Variants in PLCG2 observed in about 807,000 individuals in gnomAD.
The protein encoded by PLCG2 is phospholipase C gamma 2, also known as 1-phosphatidylinositol 4,5-bisphosphate phosphodiesterase gamma-2.
Under a neutral mutation model 175.6 loss-of-function variants are expected in PLCG2, and 69 were observed. The ratio of observed to expected loss-of-function variants is 0.39; its 90% confidence interval spans 0.32 to 0.48. The LOEUF (loss-of-function observed/expected upper bound fraction) is 0.48. Among genes scored for constraint, PLCG2 ranks in the 20% least tolerant of loss-of-function variants. PLCG2 has a pLI of 0.91. For missense variants in PLCG2, 1,798 were observed against 1,650.9 expected (o/e 1.09, Z -1.54); for synonymous variants, 827 against 624.0 (o/e 1.33, Z -4.85).
chr16:81,913,238 T>C (rs1322525507), intron 19 of PLCG2, among the ~76,000 whole-genome samples: 3 of 152,178 alleles, frequency 2.0e-5, no homozygotes, highest in African/African-American at 7.2e-5. Context: ...TGACTCAGAC[T>C]CCGTGTAGCC....
intron 23 of PLCG2, 97 bp from the exon 24 acceptor site, chr16:81,928,461 C>T (rs751713285): frequency 5.1e-6 from 4 of 781,644 alleles, no homozygotes; most frequent in Non-Finnish European, 9.3e-6. Flanking sequence ...AACAGTTCCA[C>T]AGGCAGTATC....
chr16:81,926,215 A>C (rs965035492), intron 22 of PLCG2, among the ~76,000 whole-genome samples: 1 of 152,216 alleles, frequency 6.6e-6, no homozygotes, highest in African/African-American at 2.4e-5. Flanking sequence ...GATGTCTGGG[A>C]GTCCTGGGGT....
At chr16:81,849,048 G>T (rs966714650) in intron 2 of PLCG2, among the ~76,000 whole-genome samples, 1 of 152,132 alleles carries the variant, frequency 6.6e-6, no homozygotes, top group Non-Finnish European at 1.5e-5. Context: ...ATGCTTGGAG[G>T]GGCCTGTGTG....
rs781722217 is a variant in PLCG2, at chr16:81,936,233, G to A, written c.2907G>A (p.Gln969=). 13 of 1,614,046 alleles carry A rather than the reference G, an allele frequency of 8.1e-6. No individual in the cohort carries two copies. The East Asian group carries it at 2.9e-4, about 36-fold the overall frequency. Residue 969 remains glutamine, a synonymous_variant, in exon 27 of 33, where the codon CAG becomes CAA. Coordinates refer to ENST00000564138, the MANE Select transcript of PLCG2 (RefSeq NM_002661.5). ...VETKADSIIR[Q]KPVDLLKYNQ... is the part of the protein sequence containing the mutation. ...CGAAGGCTGACAGCATCATCAGACAGAAGCCCGTCGACCTCCTGAAGTACA... is the reference window on the plus strand; with the variant it reads ...CGAAGGCTGACAGCATCATCAGACAAAAGCCCGTCGACCTCCTGAAGTACA...
chr16:81,910,476 C>T, intron 17 of PLCG2, 44 bp from the exon 18 acceptor site: 2 of 1,582,334 alleles, frequency 1.3e-6, no homozygotes, highest in African/African-American at 1.3e-5. Flanking sequence ...CCGCAATGGC[C>T]TGGCCTGCGT....
chr16:81,923,415 C>T, intron 21 of PLCG2, 70 bp from the exon 22 acceptor site: 1 of 899,070 alleles, frequency 1.1e-6, no homozygotes, highest in Non-Finnish European at 1.8e-6. Flanking sequence ...CAAATGGTAC[C>T]TGGGAACGCA....
intron 2 of PLCG2, among the ~76,000 whole-genome samples, chr16:81,811,582 A>T (rs1271027823): frequency 6.6e-6 from 1 of 151,716 alleles, no homozygotes; most frequent in Admixed American, 6.6e-5. Context: ...ATGGGTTCTC[A>T]TTGTTCAACT....
At position 81,912,687 on chromosome 16, in the gene PLCG2, G is replaced by T; in HGVS notation, c.2025G>T (p.Glu675Asp). The change falls in exon 19 of 33, where the codon GAG (glutamate) becomes GAT (aspartate). Residue 675 changes from glutamate (E) to aspartate (D), a missense_variant. Transcript: ENST00000564138. Reference protein sequence around the residue: ...RDGAFLIRKREGSDSYAITFR... With the variant: ...RDGAFLIRKRDGSDSYAITFR... Reference sequence around the variant, plus strand: ...GGGCCTTCCTGATCCGGAAGCGAGAGGGGAGCGACTCCTATGCCATCACCT... The same window carrying T: ...GGGCCTTCCTGATCCGGAAGCGAGATGGGAGCGACTCCTATGCCATCACCT... The T allele has an allele frequency of 1.2e-6, 2 of 1,611,664 alleles. No homozygotes were observed. Among genetic ancestry groups the T allele is most frequent in the South Asian group, 2.2e-5 (2 of 90,560 alleles).
chr16:81,938,789 T>C lies in PLCG2; in HGVS notation c.3199-12T>C, dbSNP rs751427608. 6.4e-7 allele frequency: 1 copy of C among 1,568,088 alleles called. No homozygotes were observed. Among genetic ancestry groups the C allele is most frequent in the Non-Finnish European group, 8.8e-7 (1 of 1,141,502 alleles). On this transcript the variant is annotated splice_polypyrimidine_tract_variant and intron_variant, in intron 28 of 32. Coordinates refer to ENST00000564138, the MANE Select transcript of PLCG2 (RefSeq NM_002661.5). The stretch of plus-strand genomic sequence containing the variant: ...CCCAGGGGGGTTCCAATGCTTCCCT[T>C]TGGTGTCCCAGGTTCTCGGTGCTCG...
At chr16:81,787,899 G>T (rs1446470489) in intron 2 of PLCG2, among the ~76,000 whole-genome samples, 2 of 152,186 alleles carry the variant, frequency 1.3e-5, no homozygotes, top group East Asian at 3.8e-4. Context: ...GCGTGGATCA[G>T]AAATTTTCCT....
intron 2 of PLCG2, among the ~76,000 whole-genome samples, chr16:81,760,980 G>A (rs1296038558): frequency 6.6e-6 from 1 of 151,972 alleles, no homozygotes; most frequent in African/African-American, 2.4e-5. Flanking sequence ...CTCAGCTCAC[G>A]GCAACAGCGA....
rs1473839726 is a variant in PLCG2 at position 81,959,616 on chromosome 16, C to G, written c.*1618C>G. 5.2e-6 allele frequency: 1 copy of G among 193,436 alleles called. No individual in the cohort carries two copies. Among genetic ancestry groups the G allele is most frequent in the Non-Finnish European group, 1.1e-5 (1 of 92,746 alleles). 12.0% of individuals were successfully genotyped at this position (193,436 alleles called of 1,614,324 possible). A position where few individuals can be genotyped will look rare whatever the true frequency, so the allele number is the denominator to read the frequency against. On this transcript the variant is annotated 3_prime_UTR_variant, in exon 33 of 33. Transcript: ENST00000564138. ...CTCCAGTTACTCCTCCAACTGGGAG[C>G]TGCTATTTTATTTGGCAGTCAGCAA...
intron 2 of PLCG2, among the ~76,000 whole-genome samples, chr16:81,801,655 A>G (rs1911725000): frequency 6.6e-6 from 1 of 151,704 alleles, no homozygotes; most frequent in Admixed American, 6.6e-5. Context: ...CATTTTTTCG[A>G]TATTAGATAG....
At chr16:81,842,385 T>C (rs1023077275) in intron 2 of PLCG2, among the ~76,000 whole-genome samples, 12 of 152,166 alleles carry the variant, frequency 7.9e-5, no homozygotes, top group African/African-American at 2.9e-4. Context: ...CTGTCCTCCC[T>C]CCCAGACTCG....
chr16:81,816,325 C>T lies in PLCG2; in HGVS notation c.193+30143C>T, dbSNP rs550586909. Among the ~76,000 whole-genome samples the T allele has an allele frequency of 9.2e-5, 14 of 152,146 alleles. No homozygotes were observed. In the South Asian group the frequency reaches 2.5e-3, roughly 27 times the overall value. On this transcript the variant is annotated intron_variant, in intron 2 of 32. Transcript: ENST00000564138. ...GATGGAAGTTACAGTGAGTCCAAAT[C>T]GTGCCACTACACTCCAGCCTGGGCA...
intron 30 of PLCG2, 39 bp downstream of exon 30, chr16:81,940,098 G>C (rs745702984): frequency 6.4e-7 from 1 of 1,551,402 alleles, no homozygotes; most frequent in Admixed American, 1.7e-5. Flanking sequence ...ATTTGGGCTG[G>C]CGTTGTACTT....
upstream of PLCG2, among the ~76,000 whole-genome samples, chr16:81,774,526 G>A (rs1054317830): frequency 6.6e-6 from 1 of 152,096 alleles, no homozygotes; most frequent in Non-Finnish European, 1.5e-5. Flanking sequence ...GACTCGGCTC[G>A]TCGCCACGGA....
intron 2 of PLCG2, among the ~76,000 whole-genome samples, chr16:81,848,225 GA>G (rs1231759145): frequency 3.3e-5 from 5 of 152,196 alleles, no homozygotes; most frequent in Admixed American, 2.0e-4. Flanking sequence ...CCACTCAGTG[GA>G]GAAAGGATAA....
At chr16:81,934,052 C>T (rs946913406) in intron 25 of PLCG2, among the ~76,000 whole-genome samples, 8 of 152,048 alleles carry the variant, frequency 5.3e-5, no homozygotes, top group African/African-American at 1.4e-4. Flanking sequence ...ACAGAGCCCC[C>T]GAGGATTTGA....
Sources: gnomAD v4.1 joint callset for allele counts (sites outside exome capture counted in the v4.1 genomes callset) on GRCh38, gnomAD v4.1.1 for gene constraint, MANE v1.5 for transcripts, NCBI Gene and HGNC (gene_info 2026-07-23, HGNC 2026-07-21) for gene names.